Variants in SORBS2 observed in about 807,000 individuals in gnomAD.
SORBS2 encodes the protein sorbin and SH3 domain-containing protein 2.
SORBS2 carries 46 observed loss-of-function variants against 97.7 expected under a neutral mutation model. That is an observed-to-expected ratio of 0.47 (90% CI 0.37 to 0.60). The LOEUF is 0.60. SORBS2 is among the 20% of genes least tolerant of loss of function. The pLI, the probability that SORBS2 is intolerant of heterozygous loss-of-function variation, is 0.00. For synonymous variants in SORBS2, 476 were observed against 473.4 expected (o/e 1.01, Z -0.07); for missense variants, 1,316 against 1,282.3 (o/e 1.03, Z -0.40).
chr4:185,677,623 C>T, intron 4 of SORBS2: 3 of 1,517,038 alleles, frequency 2.0e-6, no homozygotes, highest in Non-Finnish European at 2.6e-6. Context: ...TCTTTTCTTT[C>T]TGGTGGAGGG....
At chr4:185,930,767 A>G (rs544893603) in intron 1 of SORBS2, among the ~76,000 whole-genome samples, 1 of 152,334 alleles carries the variant, frequency 6.6e-6, no homozygotes, top group East Asian at 1.9e-4. Flanking sequence ...GAAAAATCAT[A>G]GTTTCTATAT....
At chr4:185,801,778 G>A (rs1000427800) in intron 1 of SORBS2, among the ~76,000 whole-genome samples, 8 of 152,040 alleles carry the variant, frequency 5.3e-5, no homozygotes, top group Non-Finnish European at 1.2e-4. Context: ...CAAGAACAAA[G>A]TTCTTTTCAA....
At chr4:185,874,349 A>G (rs1005790111) in intron 1 of SORBS2, among the ~76,000 whole-genome samples, 9 of 152,162 alleles carry the variant, frequency 5.9e-5, no homozygotes, top group African/African-American at 9.7e-5. Flanking sequence ...ATATAACCCA[A>G]TGGTTTTATG....
chr4:185,938,484 C>A (rs562348352), intron 1 of SORBS2, among the ~76,000 whole-genome samples: 63 of 150,712 alleles, frequency 4.2e-4, no homozygotes, highest in African/African-American at 1.5e-3. Flanking sequence ...CCAGACTGAA[C>A]AACTTGCTCA....
At chr4:185,955,607 G>C (rs1156524576) in intron 1 of SORBS2, among the ~76,000 whole-genome samples, 1 of 152,162 alleles carries the variant, frequency 6.6e-6, no homozygotes, top group Non-Finnish European at 1.5e-5. Flanking sequence ...TGAAACAAGA[G>C]CGCCTAACAC....
chr4:185,881,506 G>GA (rs1561264389), intron 1 of SORBS2, among the ~76,000 whole-genome samples: 1 of 152,006 alleles, frequency 6.6e-6, no homozygotes, highest in African/African-American at 2.4e-5. Context: ...ATTCAGACAA[G>GA]AAAAAAGAAA....
intron 1 of SORBS2, among the ~76,000 whole-genome samples, chr4:185,837,182 G>A (rs983177564): frequency 3.3e-5 from 5 of 151,938 alleles, no homozygotes; most frequent in African/African-American, 7.3e-5. Flanking sequence ...AATGTGCTCC[G>A]GAAAATTGCC....
chr4:185,804,406 A>G (rs1411437815), intron 1 of SORBS2, among the ~76,000 whole-genome samples: 1 of 152,372 alleles, frequency 6.6e-6, no homozygotes, highest in South Asian at 2.1e-4. Flanking sequence ...TCACTTTCAC[A>G]TGGAAAGACT....
intron 1 of SORBS2, among the ~76,000 whole-genome samples, chr4:185,796,900 T>C (rs925045779): frequency 4.5e-4 from 60 of 133,672 alleles, no homozygotes; most frequent in African/African-American, 1.7e-3. Context: ...AGGCTGGGCA[T>C]GCCTGGGCGC....
intron 1 of SORBS2, among the ~76,000 whole-genome samples, chr4:185,829,165 A>G (rs1239378087): frequency 1.3e-5 from 2 of 152,174 alleles, no homozygotes; most frequent in African/African-American, 4.8e-5. Flanking sequence ...ATCCATGTAA[A>G]ACAGGATGGG....
intron 1 of SORBS2, among the ~76,000 whole-genome samples, chr4:185,868,052 C>A (rs1194578815): frequency 6.6e-6 from 1 of 151,690 alleles, no homozygotes; most frequent in Non-Finnish European, 1.5e-5. Context: ...CCATAAAAGA[C>A]AATAAGTGCC....
intron 4 of SORBS2, 145 bp from the exon 15 acceptor site, chr4:185,638,307 G>T: frequency 1.6e-6 from 1 of 644,954 alleles, no homozygotes; most frequent in Non-Finnish European, 2.8e-6. Context: ...GGAGAGAACG[G>T]AGGAAGTAAA....
At chr4:185,928,775 T>C (rs2099265009) in intron 1 of SORBS2, among the ~76,000 whole-genome samples, 1 of 152,164 alleles carries the variant, frequency 6.6e-6, no homozygotes, top group Admixed American at 6.5e-5. Context: ...CTTGATCTCC[T>C]GACCTCGTGA....
At chr4:185,796,995 G>T (rs1204032773) in intron 1 of SORBS2, among the ~76,000 whole-genome samples, 1 of 152,208 alleles carries the variant, frequency 6.6e-6, no homozygotes, top group East Asian at 1.9e-4. Context: ...TCACAGTGGG[G>T]CTGGGCAGCT....
At chr4:185,926,403 A>G (rs2099263720) in intron 1 of SORBS2, among the ~76,000 whole-genome samples, 1 of 151,998 alleles carries the variant, frequency 6.6e-6, no homozygotes, top group Admixed American at 6.6e-5. Context: ...AGGGAGACAA[A>G]AAAGGAGATA....
At chr4:185,620,894 G>T (rs533074478) in intron 7 of SORBS2, among the ~76,000 whole-genome samples, 9 of 152,260 alleles carry the variant, frequency 5.9e-5, no homozygotes, top group African/African-American at 2.2e-4. Flanking sequence ...ATGAAATATT[G>T]AATTATTTTT....
chr4:185,656,564 C>G, intron 1 of SORBS2: 1 of 1,367,214 alleles, frequency 7.3e-7, no homozygotes, highest in Non-Finnish European at 1.0e-6. Flanking sequence ...ATGGGTCTTG[C>G]TGCAAAGTAT....
At chr4:185,859,482 C>T (rs1348718391) in intron 1 of SORBS2, among the ~76,000 whole-genome samples, 6 of 152,168 alleles carry the variant, frequency 3.9e-5, no homozygotes, top group Non-Finnish European at 7.4e-5. Context: ...TTGCCAGTCT[C>T]GCTTCCTTGC....
At chr4:185,598,173 C>T (rs2096161610) in intron 12 of SORBS2, among the ~76,000 whole-genome samples, 1 of 152,140 alleles carries the variant, frequency 6.6e-6, no homozygotes, top group Admixed American at 6.5e-5. Context: ...CTGTGCTGGG[C>T]ATTTTGAACA....
Sources: allele counts gnomAD v4.1 joint callset (sites outside exome capture counted in the v4.1 genomes callset), GRCh38; gene constraint gnomAD v4.1.1; transcripts MANE v1.5; gene names NCBI Gene and HGNC (gene_info 2026-07-23, HGNC 2026-07-21).